CTNNA3: variants seen among roughly 807,000 people sequenced by gnomAD.
CTNNA3 encodes the protein catenin alpha 3.
CTNNA3 carries 76 observed loss-of-function variants against 95.7 expected under a neutral mutation model. That is an observed-to-expected ratio of 0.79 (90% CI 0.66 to 0.96). CTNNA3 has a LOEUF of 0.96. Among genes scored for constraint, CTNNA3 ranks in the 40% least tolerant of loss-of-function variants. CTNNA3 has a pLI of 0.00. For missense variants in CTNNA3, 1,191 were observed against 1,089.8 expected (o/e 1.09, Z -1.31); for synonymous variants, 431 against 374.4 (o/e 1.15, Z -1.74).
At chr10:67,305,905 C>T (rs1188927350) in intron 5 of CTNNA3, among the ~76,000 whole-genome samples, 2 of 152,140 alleles carry the variant, frequency 1.3e-5, no homozygotes, top group East Asian at 1.9e-4. Flanking sequence ...ACTATTATGG[C>T]ATTTCACACC....
chr10:66,284,201 C>T (rs1199249457), intron 12 of CTNNA3, among the ~76,000 whole-genome samples: 2 of 151,892 alleles, frequency 1.3e-5, no homozygotes, highest in African/African-American at 4.8e-5. Context: ...ACTTTCTCTG[C>T]CTACTTTATT....
chr10:66,232,680 G>A (rs1028058468), intron 13 of CTNNA3, among the ~76,000 whole-genome samples: 14 of 152,068 alleles, frequency 9.2e-5, no homozygotes, highest in African/African-American at 3.1e-4. Flanking sequence ...ACATTACATG[G>A]AATTTAAAAA....
intron 5 of CTNNA3, among the ~76,000 whole-genome samples, chr10:67,226,049 C>T (rs1035434930): frequency 6.6e-6 from 1 of 152,090 alleles, no homozygotes; most frequent in Non-Finnish European, 1.5e-5. Flanking sequence ...ATTCAGGAAA[C>T]ATTGGACACA....
chr10:67,705,882 G>C (rs1841075969), intron 1 of CTNNA3, among the ~76,000 whole-genome samples: 1 of 152,014 alleles, frequency 6.6e-6, no homozygotes, highest in Non-Finnish European at 1.5e-5. Flanking sequence ...CCCACAGCTT[G>C]CAGAGTCCAA....
At chr10:66,385,639 A>C (rs2092883921) in intron 11 of CTNNA3, among the ~76,000 whole-genome samples, 1 of 152,176 alleles carries the variant, frequency 6.6e-6, no homozygotes, top group African/African-American at 2.4e-5. Context: ...ACACAACAAA[A>C]AAAGAGAATT....
At chr10:66,385,666 G>A (rs1408494588) in intron 11 of CTNNA3, among the ~76,000 whole-genome samples, 1 of 152,148 alleles carries the variant, frequency 6.6e-6, no homozygotes, top group African/African-American at 2.4e-5. Context: ...CAATATCCCT[G>A]ATGAAGATTG....
chr10:66,074,671 T>C (rs1273676203), intron 14 of CTNNA3, among the ~76,000 whole-genome samples: 3 of 151,910 alleles, frequency 2.0e-5, no homozygotes, highest in Non-Finnish European at 2.9e-5. Flanking sequence ...TAGAACATGT[T>C]GTCAGTTCTT....
intron 7 of CTNNA3, among the ~76,000 whole-genome samples, chr10:67,049,695 G>T (rs557864206): frequency 1.3e-5 from 2 of 152,268 alleles, no homozygotes; most frequent in South Asian, 4.1e-4. Context: ...TCCCTGACAA[G>T]TACAAATTCT....
Position 67,539,654 on chromosome 10 carries a change from A to C in CTNNA3, c.308T>G (p.Val103Gly). The C allele has an allele frequency of 6.2e-7, 1 of 1,613,534 alleles. No homozygotes were observed. Among genetic ancestry groups the C allele is most frequent in the Middle Eastern group, 1.7e-4 (1 of 6,048 alleles). The change falls in exon 4 of 18, where the codon GTA becomes GGA. Residue 103 changes from valine to glycine, a missense_variant. By Grantham distance (109) the Val-to-Gly change is moderately radical. Transcript: ENST00000433211. ...GTCATCTGTAAATCTCTCAGCTGATACTTTCAGAGCTTCACCTGAAAAATA... is the reference window on the plus strand; with the variant it reads ...GTCATCTGTAAATCTCTCAGCTGATCCTTTCAGAGCTTCACCTGAAAAATA... ...EVRKESEALK[V>G]SAERFTDDPC... is the part of the protein sequence containing the mutation.
At chr10:66,695,274 G>A (rs76906040) in intron 9 of CTNNA3, among the ~76,000 whole-genome samples, 3,020 of 152,234 alleles carry the variant, frequency 0.02, 86 homozygotes, top group African/African-American at 0.069. Flanking sequence ...CCATGGCTGG[G>A]AAATAAAACA....
chr10:66,032,203 A>G (rs1231771125), intron 15 of CTNNA3, among the ~76,000 whole-genome samples: 1 of 152,072 alleles, frequency 6.6e-6, no homozygotes, highest in Admixed American at 6.6e-5. Flanking sequence ...TATTTCTTTG[A>G]TTTTTTTAAA....
intron 5 of CTNNA3, among the ~76,000 whole-genome samples, chr10:67,300,970 T>G (rs1316173824): frequency 6.6e-6 from 1 of 152,232 alleles, no homozygotes; most frequent in African/African-American, 2.4e-5. Flanking sequence ...TAAAATAAAT[T>G]TTATTGTATA....
rs534489348 is a variant in CTNNA3 at position 66,316,629 on chromosome 10, C to G, written c.1733-36008G>C. On this transcript the variant is annotated intron_variant, in intron 12 of 17. Coordinates refer to ENST00000433211, the MANE Select transcript of CTNNA3 (RefSeq NM_013266.4). ...CACATCTTGGGGATTTGGGAGCAAA[C>G]CAGAGTACCAAGAAAAAACCCCTAT... Among the ~76,000 whole-genome samples the G allele has an allele frequency of 2.0e-5, 3 of 151,962 alleles. 1 individual carries two copies. The highest frequency in any genetic ancestry group is 7.2e-5 in the African/African-American group (3 of 41,454).
chr10:66,124,631 A>G (rs896576410), intron 13 of CTNNA3, among the ~76,000 whole-genome samples: 21 of 152,180 alleles, frequency 1.4e-4, no homozygotes, highest in Non-Finnish European at 2.8e-4. Context: ...TTTACAAAAG[A>G]AAGAGGTTTA....
At chr10:67,350,083 T>C (rs1241541692) in intron 5 of CTNNA3, among the ~76,000 whole-genome samples, 2 of 152,136 alleles carry the variant, frequency 1.3e-5, no homozygotes, top group Non-Finnish European at 2.9e-5. Context: ...CCTGACCACT[T>C]GTGCAAAATG....
chr10:67,359,755 A>T (rs968042609), intron 5 of CTNNA3, among the ~76,000 whole-genome samples: 2 of 152,106 alleles, frequency 1.3e-5, no homozygotes, highest in South Asian at 4.1e-4. Context: ...GAGAGAGGAG[A>T]GTAAGAAACT....
intron 9 of CTNNA3, among the ~76,000 whole-genome samples, chr10:66,758,113 A>G (rs1176788235): frequency 6.6e-6 from 1 of 152,140 alleles, no homozygotes; most frequent in East Asian, 1.9e-4. Flanking sequence ...TGTCTGGTTA[A>G]CTAGCCTCTT....
chr10:67,122,179 C>T (rs1429978122), intron 7 of CTNNA3, among the ~76,000 whole-genome samples: 7 of 151,766 alleles, frequency 4.6e-5, no homozygotes, highest in Admixed American at 4.6e-4. Flanking sequence ...CAAGCAGACT[C>T]TACATATGAA....
chr10:67,732,490 T>C (rs1376530255), intron 1 of CTNNA3, among the ~76,000 whole-genome samples: 5 of 152,206 alleles, frequency 3.3e-5, no homozygotes, highest in Admixed American at 6.5e-5. Context: ...GAGAAGCCAC[T>C]CGTGGTCTAA....
Sources: gnomAD v4.1 joint callset for allele counts (sites outside exome capture counted in the v4.1 genomes callset) on GRCh38, gnomAD v4.1.1 for gene constraint, MANE v1.5 for transcripts, NCBI Gene and HGNC (gene_info 2026-07-23, HGNC 2026-07-21) for gene names.